LCP1: variants seen among roughly 807,000 people sequenced by gnomAD.
LCP1 encodes the protein plastin-2.
In LCP1, 23 loss-of-function variants were observed where a neutral mutation model predicts 72.0. The observed-to-expected ratio is 0.32, with a 90% CI of 0.23 to 0.45. The LOEUF is 0.45. LCP1 is among the 20% of genes least tolerant of loss of function. The pLI is 1.00. For missense variants in LCP1, 571 were observed against 748.3 expected (o/e 0.76, Z 2.76); for synonymous variants, 245 against 275.4 (o/e 0.89, Z 1.09).
chr13:46,171,182 T>C (rs746372897), intron 1 of LCP1, among the ~76,000 whole-genome samples: 33 of 152,310 alleles, frequency 2.2e-4, no homozygotes, highest in Non-Finnish European at 3.1e-4. Context: ...CACAATCCTA[T>C]AGGGTATTAC....
intron 13 of LCP1, among the ~76,000 whole-genome samples, chr13:46,139,243 A>T (rs2045683405): frequency 6.6e-6 from 1 of 152,212 alleles, no homozygotes; most frequent in African/African-American, 2.4e-5. Flanking sequence ...AGTTTTCTGC[A>T]CCAGGGGAGC....
intron 1 of LCP1, among the ~76,000 whole-genome samples, chr13:46,174,884 A>G (rs1311454768): frequency 6.6e-6 from 1 of 152,114 alleles, no homozygotes; most frequent in Non-Finnish European, 1.5e-5. Flanking sequence ...ATTACAAATA[A>G]TCATTCAATA....
intron 1 of LCP1, among the ~76,000 whole-genome samples, chr13:46,181,786 G>C (rs565618581): frequency 2.6e-5 from 4 of 152,278 alleles, no homozygotes; most frequent in African/African-American, 9.6e-5. Context: ...ACAGTAAATA[G>C]CCTCCGTGAA....
intron 13 of LCP1, among the ~76,000 whole-genome samples, chr13:46,141,321 A>G (rs1474144950): frequency 6.9e-6 from 1 of 145,326 alleles, no homozygotes; most frequent in Non-Finnish European, 1.5e-5. Context: ...CAGGAGAATC[A>G]CTTGGACCCA....
chr13:46,142,058 T>C (rs1306973008), intron 13 of LCP1, among the ~76,000 whole-genome samples: 2 of 151,498 alleles, frequency 1.3e-5, no homozygotes, highest in African/African-American at 4.9e-5. Context: ...TAAATTAGAA[T>C]GAAACAACAA....
chr13:46,158,625 A>T lies in LCP1; in HGVS notation c.255T>A (p.Asp85Glu), dbSNP rs750688109. The change falls in exon 4 of 16, where the codon GAT becomes GAA. Residue 85 changes from aspartate to glutamate, a missense_variant. Transcript: ENST00000323076. ...IKIFHGLKST[D>E]VAKTFRKAIN... is the part of the protein sequence containing the mutation. ...TTGCTTTTCTAAAGGTCTTGGCAAC[A>T]TCTGTGCTTTTTAGGCCATGGAAAA... 3 of 1,614,084 alleles carry T rather than the reference A, an allele frequency of 1.9e-6. No homozygotes were observed. In the South Asian group the frequency reaches 3.3e-5, roughly 18 times the overall value.
At chr13:46,149,525 C>T (rs2045750464) in intron 8 of LCP1, among the ~76,000 whole-genome samples, 1 of 152,236 alleles carries the variant, frequency 6.6e-6, no homozygotes, top group Non-Finnish European at 1.5e-5. Context: ...AACCTTCTCA[C>T]TCACTCTAGC....
At chr13:46,149,287 T>C (rs547940355) in intron 8 of LCP1, among the ~76,000 whole-genome samples, 2 of 152,320 alleles carry the variant, frequency 1.3e-5, no homozygotes, top group East Asian at 3.9e-4. Context: ...TCACCACTTT[T>C]GGCATTAGAA....
At chr13:46,159,177 C>T (rs985782102) in intron 2 of LCP1, 188 bp from the exon 3 acceptor site, 2 of 588,810 alleles carry the variant, frequency 3.4e-6, no homozygotes, top group Non-Finnish European at 6.0e-6. Context: ...ACCAGCATTA[C>T]TTTCAACATC....
chr13:46,134,341 G>T (rs897456300), intron 13 of LCP1, 91 bp from the exon 14 acceptor site: 3 of 1,203,168 alleles, frequency 2.5e-6, no homozygotes, highest in Non-Finnish European at 3.6e-6. Context: ...TTTTTTTCGG[G>T]TATGTCATAG....
chr13:46,150,925 G>A lies in LCP1; in HGVS notation c.882+11C>T, dbSNP rs545090185. On this transcript the variant is annotated intron_variant, in intron 8 of 15. Coordinates refer to ENST00000323076, the MANE Select transcript of LCP1 (RefSeq NM_002298.5). The stretch of plus-strand genomic sequence containing the variant: ...CTGCAGAGAGTCATGTTCAAACAAC[G>A]CTCCTCCTACCTTGATGTCAGTACT... 6.2e-6 allele frequency: 10 copies of A among 1,610,800 alleles called. No homozygotes were observed. Among genetic ancestry groups the A allele is most frequent in the Middle Eastern group, 1.7e-4 (1 of 6,058 alleles).
chr13:46,177,854 C>T (rs2181619), intron 1 of LCP1, among the ~76,000 whole-genome samples: 32,521 of 151,780 alleles, frequency 0.21, 3,670 homozygotes, highest in East Asian at 0.3. Flanking sequence ...GATGCTGTTG[C>T]TGCTGCTGCT....
chr13:46,127,869 C>T, intron 15 of LCP1, 146 bp from the exon 16 acceptor site: 1 of 926,410 alleles, frequency 1.1e-6, no homozygotes, highest in Non-Finnish European at 1.6e-6. Flanking sequence ...CATCCTCACA[C>T]TTTTGTGGAC....
At chr13:46,178,741 A>G (rs1257089312) in intron 1 of LCP1, among the ~76,000 whole-genome samples, 1 of 152,216 alleles carries the variant, frequency 6.6e-6, no homozygotes, top group African/African-American at 2.4e-5. Flanking sequence ...GCAGATAAAA[A>G]AACACTAGGA....
chr13:46,143,483 C>T, intron 11 of LCP1, 79 bp from the exon 12 acceptor site: 1 of 883,570 alleles, frequency 1.1e-6, no homozygotes, highest in Non-Finnish European at 1.9e-6. Context: ...CACTTTCTTA[C>T]ATATTAGTTC....
chr13:46,179,998 GCTCT>G (rs35686464), intron 1 of LCP1, among the ~76,000 whole-genome samples: 1 of 149,638 alleles, frequency 6.7e-6, no homozygotes, highest in South Asian at 2.1e-4. Context: ...TCTTTCTCTT[GCTCT>G]CTCTCTTTTA....
chr13:46,153,113 G>GA, intron 6 of LCP1, 168 bp from the exon 7 acceptor site: 1 of 627,944 alleles, frequency 1.6e-6, no homozygotes. Context: ...AACCAGAAGA[G>GA]AAAATCCAGT....
rs755648927 is a variant in LCP1 at position 46,177,701 on chromosome 13, A to AAAACAAAC, written c.-25+4402_-25+4409dup. On this transcript the variant is annotated intron_variant, in intron 1 of 15. Transcript: ENST00000323076. Reference sequence around the variant, plus strand: ...GCGACAGAGTGAAACTCTGTCTCAAAAAACAAACAAACAAACAAACAAAAG... The same window carrying AAAACAAAC: ...GCGACAGAGTGAAACTCTGTCTCAAAAAACAAACAAACAAACAAACAAACAAACAAAAG... Among the ~76,000 whole-genome samples the AAAACAAAC allele has an allele frequency of 5.1e-3, 774 of 152,262 alleles. 5 individuals carry two copies. The highest frequency in any genetic ancestry group is 0.018 in the African/African-American group (748 of 41,530).
chr13:46,154,988 C>T, intron 5 of LCP1, 102 bp from the exon 6 acceptor site: 2 of 845,548 alleles, frequency 2.4e-6, no homozygotes, highest in Non-Finnish European at 2.0e-6. Context: ...AAGAAGATAG[C>T]AACAGAATCT....
Sources: allele counts gnomAD v4.1 joint callset (sites outside exome capture counted in the v4.1 genomes callset), GRCh38; gene constraint gnomAD v4.1.1; transcripts MANE v1.5; gene names NCBI Gene and HGNC (gene_info 2026-07-23, HGNC 2026-07-21).